Variants in MGAM2 observed in about 807,000 individuals in gnomAD.
MGAM2 encodes the protein probable maltase-glucoamylase 2.
A neutral mutation model predicts 96.1 loss-of-function variants in MGAM2; 98 were observed. The observed-to-expected ratio is 1.02, with a 90% CI of 0.87 to 1.21. The LOEUF (loss-of-function observed/expected upper bound fraction) is 1.21, where lower values mean the gene tolerates loss of function less well. Among genes scored for constraint, MGAM2 ranks in the 50% most tolerant of loss-of-function variants. The pLI, the probability that MGAM2 is intolerant of heterozygous loss-of-function variation, is 0.00. For missense variants in MGAM2, 2,055 were observed against 1,182.4 expected (o/e 1.74, Z -10.82); for synonymous variants, 749 against 414.8 (o/e 1.81, Z -9.79).
At position 142,128,303 on chromosome 7, in the gene MGAM2, G is replaced by A. The variant is rs1794784471; in HGVS notation, c.187-2645G>A. 2.0e-5 allele frequency among the ~76,000 whole-genome samples: 3 copies of A among 152,166 alleles called. No homozygotes were observed. The South Asian group carries it at 6.2e-4, about 32-fold the overall frequency. On this transcript the variant is annotated intron_variant, in intron 3 of 47. Coordinates refer to ENST00000477922, the MANE Select transcript of MGAM2 (RefSeq NM_001293626.2). ...TTGGAATTGGAACTTATGTTTAAAA[G>A]GGAAGTAGAGTATAAAAGTTCAGAA...
rs1313917705 is a variant in MGAM2 at position 142,220,966 on chromosome 7, C to A, written c.6455C>A (p.Ala2152Asp). Residue 2152 changes from alanine to aspartate, a missense_variant, in exon 48 of 48, where the codon GCT becomes GAT. Coordinates refer to ENST00000477922, the MANE Select transcript of MGAM2 (RefSeq NM_001293626.2). ...STPVQTNTTN[A>D]STSTNVANIT... The stretch of plus-strand genomic sequence containing the variant: ...CCTGTTCAAACAAATACTACTAATG[C>A]TAGCACTAGTACTAATGTTGCTAAT... The A allele has an allele frequency of 1.4e-6, 1 of 701,830 alleles. No individual in the cohort carries two copies. Among genetic ancestry groups the A allele is most frequent in the Admixed American group, 2.0e-5 (1 of 49,876 alleles). The allele number at this position is 701,830 out of a possible 1,614,324, so 43.5% of individuals were successfully genotyped here.
intron 45 of MGAM2, 71 bp downstream of exon 45, chr7:142,200,039 C>T: frequency 1.8e-6 from 1 of 559,358 alleles, no homozygotes; most frequent in Non-Finnish European, 3.2e-6. Flanking sequence ...CGGCATATAA[C>T]TAACATGAAC....
chr7:142,130,573 C>T (rs564507003), intron 3 of MGAM2, among the ~76,000 whole-genome samples: 7 of 152,202 alleles, frequency 4.6e-5, no homozygotes, highest in Non-Finnish European at 1.0e-4. Context: ...CTCCCTACCC[C>T]ACTCCACGCC....
rs1194981898 is a variant in MGAM2 at position 142,174,715 on chromosome 7, C to CTCTTTTTTTTTT, written c.3688-936_3688-935insCTTTTTTTTTTT. Among the ~76,000 whole-genome samples, 23 of 85,444 alleles carry CTCTTTTTTTTTT rather than the reference C, an allele frequency of 2.7e-4. 1 individual carries two copies. The highest frequency in any genetic ancestry group is 1.3e-3 in the African/African-American group (23 of 17,580). The allele number at this position is 85,444 out of a possible 152,430, so 56.1% of individuals were successfully genotyped here. A position where few individuals can be genotyped will look rare whatever the true frequency, so the allele number is the denominator to read the frequency against. On this transcript the variant is annotated intron_variant, in intron 31 of 47. Transcript: ENST00000477922. ...ATGCCCTTTATTTCTCTCTCTCTCT[C>CTCTTTTTTTTTT]TTTTTTTTTTTTTTTTTTGAGTTGG... is the stretch of plus-strand genomic sequence containing the variant.
rs1817418231 is a variant in MGAM2 at position 142,116,759 on chromosome 7, T to G, written c.1-115T>G. 2.1e-5 allele frequency: 14 copies of G among 661,384 alleles called. No individual in the cohort carries two copies. The East Asian group carries it at 3.5e-4, about 17-fold the overall frequency. 41.0% of individuals were successfully genotyped at this position (661,384 alleles called of 1,614,324 possible). A position where few individuals can be genotyped will look rare whatever the true frequency, so the allele number is the denominator to read the frequency against. On this transcript the variant is annotated intron_variant, in intron 1 of 47. Transcript: ENST00000477922. ...TCTTTAGATTATGTAAAGAGGATGC[T>G]GATAATCAAGGTCATCTTGCAAACA...
intron 12 of MGAM2, among the ~76,000 whole-genome samples, chr7:142,143,159 T>C (rs999506160): frequency 6.6e-6 from 1 of 152,164 alleles, no homozygotes. Flanking sequence ...GAGCAAAAAT[T>C]TTTTACAAAA....
At chr7:142,116,374 G>C (rs1168634291) in intron 1 of MGAM2, among the ~76,000 whole-genome samples, 1 of 152,170 alleles carries the variant, frequency 6.6e-6, no homozygotes, top group African/African-American at 2.4e-5. Context: ...ATCCTTGAGA[G>C]TGTCAGTGAC....
intron 1 of MGAM2, among the ~76,000 whole-genome samples, chr7:142,114,447 G>A (rs1817318209): frequency 6.6e-6 from 1 of 152,074 alleles, no homozygotes; most frequent in Admixed American, 6.5e-5. Flanking sequence ...AATAACACAT[G>A]AGGAAGGGAA....
In MGAM2 at chr7:142,146,347, A is replaced by C. The variant is rs575117992; in HGVS notation, c.1517-1109A>C. 5.2e-4 allele frequency among the ~76,000 whole-genome samples: 79 copies of C among 152,172 alleles called. No individual in the cohort carries two copies. In the South Asian group the frequency reaches 5.4e-3, roughly 10 times the overall value. The stretch of plus-strand genomic sequence containing the variant: ...GTGCACATTAATTAGCATGAGAAAG[A>C]GCACTGAAGTGGTTGTGAATCTCAT... On this transcript the variant is annotated intron_variant, in intron 14 of 47. Transcript: ENST00000477922.
At chr7:142,175,626 A>G (rs1199784404) in intron 31 of MGAM2, 26 bp from the exon 32 acceptor site, 1 of 701,678 alleles carries the variant, frequency 1.4e-6, no homozygotes, top group Non-Finnish European at 2.6e-6. Flanking sequence ...GCAGGGTTCC[A>G]AGAGCCTTGC....
intron 10 of MGAM2, among the ~76,000 whole-genome samples, chr7:142,139,166 C>T (rs1795143988): frequency 1.3e-5 from 2 of 152,096 alleles, no homozygotes; most frequent in Non-Finnish European, 2.9e-5. Flanking sequence ...ATACTCCTCC[C>T]AGATCTGATA....
intron 37 of MGAM2, among the ~76,000 whole-genome samples, 185 bp from the exon 38 acceptor site, chr7:142,195,969 T>C (rs6960117): frequency 0.39 from 59,082 of 151,996 alleles, 11,829 homozygotes; most frequent in East Asian, 0.49. Flanking sequence ...CGTGCAGATA[T>C]ACCTCTAGTC....
At chr7:142,191,478 G>T (rs536848302) in intron 37 of MGAM2, among the ~76,000 whole-genome samples, 1 of 152,198 alleles carries the variant, frequency 6.6e-6, no homozygotes, top group Admixed American at 6.5e-5. Context: ...ATGGTGTGAG[G>T]TAGTGGTTCA....
chr7:142,147,236 AG>A (rs1428469436), intron 14 of MGAM2, among the ~76,000 whole-genome samples: 1 of 152,162 alleles, frequency 6.6e-6, no homozygotes, highest in Non-Finnish European at 1.5e-5. Context: ...TGTGAGCTCA[AG>A]GGAATGCAGA....
rs1419152442 is a variant in MGAM2, at chr7:142,148,639, G to A, written c.1634+1066G>A. ...TACAATACAATCATTATACCTAAGA[G>A]AGCAAGAAAATTTGGGGCCAGGCTT... On this transcript the variant is annotated intron_variant, in intron 15 of 47. Transcript: ENST00000477922. This position sits in a 1 kb window ranked among gnomAD's most constrained non-coding sequence, Gnocchi z 4.2. Among the ~76,000 whole-genome samples the A allele has an allele frequency of 6.6e-6, 1 of 152,206 alleles. No homozygotes were observed. The highest frequency in any genetic ancestry group is 1.9e-4 in the East Asian group (1 of 5,192).
chr7:142,136,608 T>C lies in MGAM2; in HGVS notation c.815T>C (p.Phe272Ser), dbSNP rs1795066285. 1 of 702,730 alleles carries C rather than the reference T, an allele frequency of 1.4e-6. No homozygotes were observed. The highest frequency in any genetic ancestry group is 2.6e-6 in the Non-Finnish European group (1 of 384,532). 43.5% of individuals were successfully genotyped at this position (702,730 alleles called of 1,614,324 possible). The change falls in exon 8 of 48, where the codon TTT becomes TCT. Residue 272 changes from phenylalanine (F) to serine (S), a missense_variant. Coordinates refer to ENST00000477922, the MANE Select transcript of MGAM2 (RefSeq NM_001293626.2). ...LCLEDARGSS[F>S]GVFLMNSNAM... ...CTTGAAGATGCCAGGGGCTCCTCTT[T>C]TGGAGTATTTCTGATGAACAGTAAT...
chr7:142,112,809 T>C (rs1323243560), intron 1 of MGAM2, among the ~76,000 whole-genome samples: 2 of 152,232 alleles, frequency 1.3e-5, no homozygotes, highest in Non-Finnish European at 2.9e-5. Context: ...TACAGTCATA[T>C]GATATATATT....
At chr7:142,135,446 C>T (rs919669529) in intron 7 of MGAM2, among the ~76,000 whole-genome samples, 1 of 151,676 alleles carries the variant, frequency 6.6e-6, no homozygotes, top group Admixed American at 6.6e-5. Flanking sequence ...CTGTTTTTTT[C>T]TTTCTTTAAA....
At position 142,133,965 on chromosome 7, in the gene MGAM2, T is replaced by G; in HGVS notation, c.576-16T>G. On this transcript the variant is annotated splice_polypyrimidine_tract_variant and intron_variant, in intron 6 of 47. Transcript: ENST00000477922. ...TGTTTTTCGGTGATTCTTGCTCTAC[T>G]TACCCCATGGCCCAGGTTGGACACG... The G allele has an allele frequency of 1.4e-6, 1 of 698,336 alleles. No individual in the cohort carries two copies. The highest frequency in any genetic ancestry group is 2.6e-6 in the Non-Finnish European group (1 of 382,330). 43.3% of individuals were successfully genotyped at this position (698,336 alleles called of 1,614,324 possible). A position where few individuals can be genotyped will look rare whatever the true frequency, so the allele number is the denominator to read the frequency against.
Sources: gnomAD v4.1 joint callset for allele counts (sites outside exome capture counted in the v4.1 genomes callset) on GRCh38, gnomAD v4.1.1 for gene constraint, Gnocchi (gnomAD v3.1) non-coding constraint, MANE v1.5 for transcripts, NCBI Gene and HGNC (gene_info 2026-07-23, HGNC 2026-07-21) for gene names.